The following LHFPL6 variants were observed in gnomAD, a reference collection of about 807,000 sequenced individuals.
The protein encoded by LHFPL6 is LHFPL tetraspan subfamily member 6 protein.
Under a neutral mutation model 20.6 loss-of-function variants are expected in LHFPL6, and 9 were observed. The ratio of observed to expected loss-of-function variants is 0.44; its 90% CI spans 0.26 to 0.76. The LOEUF is 0.76. Among genes scored for constraint, LHFPL6 ranks in the 30% least tolerant of loss-of-function variants. The probability of loss-of-function intolerance (pLI) is 0.20; values close to 1 mark genes in which losing one functional copy is unlikely to be tolerated. For missense variants in LHFPL6, 218 were observed against 253.5 expected (o/e 0.86, Z 0.95); for synonymous variants, 105 against 98.7 (o/e 1.06, Z -0.38).
intron 2 of LHFPL6, among the ~76,000 whole-genome samples, chr13:39,494,937 G>A (rs1303462805): frequency 1.3e-5 from 2 of 152,176 alleles, no homozygotes; most frequent in African/African-American, 2.4e-5. Flanking sequence ...CTGGCAGCTG[G>A]AAAGTCATTT....
intron 2 of LHFPL6, among the ~76,000 whole-genome samples, chr13:39,598,469 C>A (rs914382012): frequency 6.6e-6 from 1 of 151,940 alleles, no homozygotes; most frequent in South Asian, 2.1e-4. Context: ...GATTTTACAT[C>A]CAGAATTATT....
intron 2 of LHFPL6, among the ~76,000 whole-genome samples, chr13:39,486,836 G>C (rs1029545085): frequency 1.3e-5 from 2 of 152,220 alleles, no homozygotes; most frequent in Admixed American, 1.3e-4. Flanking sequence ...CAAGTGAGTA[G>C]CTCTAAAGAA....
At chr13:39,560,599 C>A (rs1279454451) in intron 2 of LHFPL6, among the ~76,000 whole-genome samples, 1 of 150,560 alleles carries the variant, frequency 6.6e-6, no homozygotes, top group Non-Finnish European at 1.5e-5. Context: ...ACTGCAAGCC[C>A]CGCCTCCCGG....
At chr13:39,459,894 A>G (rs1261335134) in intron 2 of LHFPL6, among the ~76,000 whole-genome samples, 1 of 152,234 alleles carries the variant, frequency 6.6e-6, no homozygotes, top group African/African-American at 2.4e-5. Flanking sequence ...ATCACTAAAA[A>G]TAGGTTTGAA....
chr13:39,428,587 CTTCT>C (rs1416619300), intron 2 of LHFPL6, among the ~76,000 whole-genome samples: 1 of 152,092 alleles, frequency 6.6e-6, no homozygotes, highest in Non-Finnish European at 1.5e-5. Context: ...CTTTTCTACT[CTTCT>C]TTTTCTTCAT....
At chr13:39,471,340 T>C (rs953042116) in intron 2 of LHFPL6, among the ~76,000 whole-genome samples, 34 of 152,340 alleles carry the variant, frequency 2.2e-4, no homozygotes, top group African/African-American at 7.7e-4. Context: ...CCATCCTCAC[T>C]GCCATTGCTT....
chr13:39,431,762 CA>C (rs1362772224), intron 2 of LHFPL6, among the ~76,000 whole-genome samples: 1 of 148,858 alleles, frequency 6.7e-6, no homozygotes, highest in Non-Finnish European at 1.5e-5. Context: ...AATTTGTCAG[CA>C]AACCTGTTTG....
chr13:39,432,746 C>A (rs1871849942), intron 2 of LHFPL6, among the ~76,000 whole-genome samples: 1 of 152,124 alleles, frequency 6.6e-6, no homozygotes, highest in East Asian at 1.9e-4. Context: ...AATGTAAGCC[C>A]CACAAATTCA....
At chr13:39,354,908 G>T (rs1267432802) in intron 3 of LHFPL6, among the ~76,000 whole-genome samples, 1 of 151,764 alleles carries the variant, frequency 6.6e-6, no homozygotes, top group Non-Finnish European at 1.5e-5. Context: ...TGGGACTATG[G>T]AAAGAGGCCA....
chr13:39,562,167 C>A (rs888528425), intron 2 of LHFPL6, among the ~76,000 whole-genome samples: 3 of 152,026 alleles, frequency 2.0e-5, no homozygotes, highest in Non-Finnish European at 4.4e-5. Context: ...TGAATGTACC[C>A]TTTCATTCCT....
At chr13:39,577,016 G>C (rs1362873699) in intron 2 of LHFPL6, among the ~76,000 whole-genome samples, 2 of 152,004 alleles carry the variant, frequency 1.3e-5, no homozygotes, top group Non-Finnish European at 2.9e-5. Context: ...GTCCTAATCT[G>C]TTGAGACCTA....
intron 2 of LHFPL6, among the ~76,000 whole-genome samples, chr13:39,417,264 T>C (rs1016389766): frequency 1.3e-5 from 2 of 152,212 alleles, no homozygotes; most frequent in Admixed American, 1.3e-4. Context: ...AACAGACATG[T>C]TGCAGAAGAA....
At chr13:39,592,195 C>T (rs1372401582) in intron 2 of LHFPL6, among the ~76,000 whole-genome samples, 1 of 151,658 alleles carries the variant, frequency 6.6e-6, no homozygotes, top group Non-Finnish European at 1.5e-5. Flanking sequence ...CACGTTAAGG[C>T]TTAGAAAACA....
At chr13:39,406,707 C>T (rs1287580292) in intron 2 of LHFPL6, among the ~76,000 whole-genome samples, 10 of 152,204 alleles carry the variant, frequency 6.6e-5, no homozygotes, top group Non-Finnish European at 1.3e-4. Context: ...AATACTCATA[C>T]ATTAAAATGC....
At chr13:39,350,534 C>T (rs778814398) in intron 3 of LHFPL6, among the ~76,000 whole-genome samples, 8 of 152,224 alleles carry the variant, frequency 5.3e-5, no homozygotes, top group Admixed American at 2.0e-4. Flanking sequence ...TGGCCTCCCT[C>T]TATGCCTGTC....
chr13:39,503,239 C>T (rs991852955), intron 2 of LHFPL6, among the ~76,000 whole-genome samples: 1 of 152,166 alleles, frequency 6.6e-6, no homozygotes, highest in Non-Finnish European at 1.5e-5. Flanking sequence ...AAGGCACTAG[C>T]CTCCCAGCCA....
chr13:39,535,531 A>G (rs1237690017), intron 2 of LHFPL6, among the ~76,000 whole-genome samples: 4 of 152,252 alleles, frequency 2.6e-5, no homozygotes, highest in Non-Finnish European at 5.9e-5. Flanking sequence ...ATAAAAATTC[A>G]AAAGAACAGA....
chr13:39,492,914 A>G (rs1868975438), intron 2 of LHFPL6, among the ~76,000 whole-genome samples: 1 of 152,038 alleles, frequency 6.6e-6, no homozygotes, highest in African/African-American at 2.4e-5. Flanking sequence ...TCCCGACCTC[A>G]GGTGATCCTC....
At chr13:39,398,575 T>G (rs1870902299) in intron 2 of LHFPL6, among the ~76,000 whole-genome samples, 1 of 152,228 alleles carries the variant, frequency 6.6e-6, no homozygotes, top group South Asian at 2.1e-4. Context: ...GGAAGCTTTG[T>G]TGGCACTAGT....
Sources: gnomAD v4.1 joint callset for allele counts (sites outside exome capture counted in the v4.1 genomes callset) on GRCh38, gnomAD v4.1.1 for gene constraint, MANE v1.5 for transcripts, NCBI Gene and HGNC (gene_info 2026-07-23, HGNC 2026-07-21) for gene names.